Variants in AKIRIN2 observed in about 807,000 individuals in gnomAD.
The protein encoded by AKIRIN2 is akirin 2, also known as akirin-2.
A neutral mutation model predicts 29.3 loss-of-function variants in AKIRIN2; 6 were observed. That is an observed-to-expected ratio of 0.20 (90% CI 0.11 to 0.40). The LOEUF is 0.40. Among genes scored for constraint, AKIRIN2 ranks in the 10% least tolerant of loss-of-function variants. The probability of loss-of-function intolerance (pLI) is 1.00; values close to 1 mark genes in which losing one functional copy is unlikely to be tolerated. For missense variants in AKIRIN2, 210 were observed against 276.1 expected (o/e 0.76, Z 1.70); for synonymous variants, 128 against 117.5 (o/e 1.09, Z -0.58).
chr6:87,681,838 T>A, intron 1 of AKIRIN2, 75 bp from the exon 2 acceptor site: 1 of 1,261,208 alleles, frequency 7.9e-7, no homozygotes, highest in Non-Finnish European at 1.1e-6. Flanking sequence ...CCAACATTAT[T>A]TAGTAGACCA....
At chr6:87,678,485 AG>A (rs1771063996) in intron 2 of AKIRIN2, among the ~76,000 whole-genome samples, 1 of 152,148 alleles carries the variant, frequency 6.6e-6, no homozygotes, top group South Asian at 2.1e-4. Context: ...CTGGGCAAAG[AG>A]AGTGAAACTC....
intron 1 of AKIRIN2, among the ~76,000 whole-genome samples, chr6:87,695,542 T>C (rs13219631): frequency 0.032 from 4,804 of 152,238 alleles, 98 homozygotes; most frequent in Middle Eastern, 0.054. Flanking sequence ...TTCCCTGTAG[T>C]TTCACATATA....
chr6:87,675,952 C>A, intron 3 of AKIRIN2, 21 bp from the exon 4 acceptor site: 1 of 1,593,474 alleles, frequency 6.3e-7, no homozygotes, highest in South Asian at 1.1e-5. Flanking sequence ...AGGTACTTGT[C>A]AATTACATTT....
intron 1 of AKIRIN2, among the ~76,000 whole-genome samples, chr6:87,698,615 T>TA (rs1356397263): frequency 1.3e-5 from 2 of 152,164 alleles, no homozygotes; most frequent in Non-Finnish European, 2.9e-5. Flanking sequence ...TTAGGTGTCC[T>TA]AAAAAACAGG....
At chr6:87,699,812 T>C (rs981208335) in intron 1 of AKIRIN2, among the ~76,000 whole-genome samples, 7 of 152,222 alleles carry the variant, frequency 4.6e-5, no homozygotes, top group Admixed American at 6.5e-5. Flanking sequence ...CAAGATTATT[T>C]TGACATTGAG....
At chr6:87,676,611 A>ACGCACGCGCG (rs1320676272) in intron 3 of AKIRIN2, among the ~76,000 whole-genome samples, 9 of 144,020 alleles carry the variant, frequency 6.2e-5, no homozygotes, top group African/African-American at 2.5e-4. Context: ...ACACACACAC[A>ACGCACGCGCG]CACACACACA....
At position 87,702,002 on chromosome 6, in the gene AKIRIN2, G is replaced by A; in HGVS notation, c.-318C>T. 2 of 402,520 alleles carry A rather than the reference G, an allele frequency of 5.0e-6. No homozygotes were observed. Among genetic ancestry groups the A allele is most frequent in the African/African-American group, 2.1e-5 (1 of 48,736 alleles). The allele number at this position is 402,520 out of a possible 1,614,324, so 24.9% of individuals were successfully genotyped here. On this transcript the variant is annotated 5_prime_UTR_variant, in exon 1 of 5. Transcript: ENST00000257787. ...CCCGAGAGAGGCTCCGGCCGCCCCC[G>A]CCGTCCGCTCGAGCTTTGCGCCGCG...
chr6:87,676,191 G>A (rs1318892595), intron 3 of AKIRIN2, among the ~76,000 whole-genome samples: 14 of 152,150 alleles, frequency 9.2e-5, no homozygotes, highest in Non-Finnish European at 1.5e-4. Context: ...GGGACCGGGT[G>A]CGGTGGCTCA....
chr6:87,687,924 T>C (rs1435986973), intron 1 of AKIRIN2, among the ~76,000 whole-genome samples: 1 of 152,174 alleles, frequency 6.6e-6, no homozygotes, highest in Non-Finnish European at 1.5e-5. Flanking sequence ...GGCCCGGAGT[T>C]GGAGACGAGC....
chr6:87,689,816 G>A (rs1042055195), intron 1 of AKIRIN2, among the ~76,000 whole-genome samples: 1 of 152,220 alleles, frequency 6.6e-6, no homozygotes, highest in Non-Finnish European at 1.5e-5. Context: ...AGGTGATGCT[G>A]CCGGTCAGGA....
At chr6:87,689,417 GCAGTGAGCCGAGA>G (rs1371199077) in intron 1 of AKIRIN2, among the ~76,000 whole-genome samples, 9 of 152,186 alleles carry the variant, frequency 5.9e-5, no homozygotes, top group African/African-American at 2.2e-4. Flanking sequence ...GGCAGAGGTT[GCAGTGAGCCGAGA>G]CAGTGCTACC....
intron 1 of AKIRIN2, among the ~76,000 whole-genome samples, chr6:87,689,027 C>T (rs1283904458): frequency 6.6e-6 from 1 of 152,198 alleles, no homozygotes; most frequent in African/African-American, 2.4e-5. Flanking sequence ...GTTCCTCCTC[C>T]TGCAGGGAAG....
At chr6:87,681,356 T>C (rs764902414) in intron 2 of AKIRIN2, among the ~76,000 whole-genome samples, 3 of 152,166 alleles carry the variant, frequency 2.0e-5, no homozygotes, top group Non-Finnish European at 4.4e-5. Context: ...GTTAATTTTT[T>C]TTAATAAAGG....
Position 87,700,932 on chromosome 6 carries a change from T to TCCCCCAC in AKIRIN2, c.235+511_235+517dup, listed in dbSNP as rs977593029. 6.5e-5 allele frequency: 6 copies of TCCCCCAC among 92,640 alleles called. 1 individual carries two copies. The South Asian group carries it at 2.6e-3, about 40-fold the overall frequency. The allele number at this position is 92,640 out of a possible 1,614,324, so 5.7% of individuals were successfully genotyped here. On this transcript the variant is annotated intron_variant, in intron 1 of 4. Coordinates refer to ENST00000257787, the MANE Select transcript of AKIRIN2 (RefSeq NM_018064.4). ...CTAGATCTCGCCCTAGTGACATCCA[T>TCCCCCAC]CCCCCACCCCCCACCCCCACTATAC... is the stretch of plus-strand genomic sequence containing the variant.
At position 87,675,337 on chromosome 6, in the gene AKIRIN2, T is replaced by A. The variant is rs1438429104; in HGVS notation, c.*260A>T. 7.6e-6 allele frequency: 4 copies of A among 523,404 alleles called. No individual in the cohort carries two copies. The highest frequency in any genetic ancestry group is 7.6e-5 in the African/African-American group (4 of 52,892). The allele number at this position is 523,404 out of a possible 1,614,324, so 32.4% of individuals were successfully genotyped here. On this transcript the variant is annotated 3_prime_UTR_variant, in exon 5 of 5. Coordinates refer to ENST00000257787, the MANE Select transcript of AKIRIN2 (RefSeq NM_018064.4). ...CTTTAATCCTTTTCAAACATTAATATAAGAAGCCAAATTGTAATGATACAG... is the reference window on the plus strand; with the variant it reads ...CTTTAATCCTTTTCAAACATTAATAAAAGAAGCCAAATTGTAATGATACAG...
intron 1 of AKIRIN2, among the ~76,000 whole-genome samples, chr6:87,691,092 T>A (rs916827157): frequency 1.3e-5 from 2 of 152,156 alleles, no homozygotes; most frequent in Admixed American, 1.3e-4. Context: ...GTCAATCGAT[T>A]TCACAAAAGT....
chr6:87,694,845 C>T (rs904961619), intron 1 of AKIRIN2, among the ~76,000 whole-genome samples: 3 of 152,162 alleles, frequency 2.0e-5, no homozygotes, highest in Non-Finnish European at 4.4e-5. Flanking sequence ...ACTGTAAAAT[C>T]CTCATCACCA....
chr6:87,695,450 G>A (rs1385968163), intron 1 of AKIRIN2, among the ~76,000 whole-genome samples: 1 of 152,158 alleles, frequency 6.6e-6, no homozygotes, highest in African/African-American at 2.4e-5. Context: ...GACTTAAGAT[G>A]CCTGATAGTT....
chr6:87,700,299 A>G (rs1771439335), intron 1 of AKIRIN2, among the ~76,000 whole-genome samples: 1 of 152,092 alleles, frequency 6.6e-6, no homozygotes, highest in South Asian at 2.1e-4. Context: ...TCAGTTTCAA[A>G]TGGAAGTCAC....
Sources: gnomAD v4.1 joint callset for allele counts (sites outside exome capture counted in the v4.1 genomes callset) on GRCh38, gnomAD v4.1.1 for gene constraint, MANE v1.5 for transcripts, NCBI Gene and HGNC (gene_info 2026-07-23, HGNC 2026-07-21) for gene names.